DAP3: variants seen among roughly 807,000 people sequenced by gnomAD.
DAP3 encodes the protein small ribosomal subunit protein mS29.
Under a neutral mutation model 51.9 loss-of-function variants are expected in DAP3, and 28 were observed. The observed-to-expected ratio is 0.54, with a 90% CI of 0.40 to 0.74. The LOEUF is 0.74. Ranked by LOEUF, DAP3 falls within the 30% of genes least tolerant of loss-of-function variation. The probability of loss-of-function intolerance (pLI) is 0.00; values close to 1 mark genes in which losing one functional copy is unlikely to be tolerated. For missense variants in DAP3, 458 were observed against 483.5 expected, an observed-to-expected ratio of 0.95 and a Z score of 0.49; for synonymous variants, 170 against 170.3, an observed-to-expected ratio of 1.00 and a Z score of 0.01.
At chr1:155,730,526 G>A (rs1233430549) in intron 9 of DAP3, among the ~76,000 whole-genome samples, 1 of 152,098 alleles carries the variant, frequency 6.6e-6, no homozygotes, top group Non-Finnish European at 1.5e-5. Flanking sequence ...TAAGATGGGA[G>A]GATGGCTTGA....
chr1:155,725,720 C>T (rs1168820742), intron 5 of DAP3, among the ~76,000 whole-genome samples: 1 of 152,092 alleles, frequency 6.6e-6, no homozygotes, highest in Non-Finnish European at 1.5e-5. Flanking sequence ...ATATATTAGC[C>T]GGGTGTGGTA....
chr1:155,729,218 G>C lies in DAP3; in HGVS notation c.695G>C (p.Arg232Pro), dbSNP rs145328544. Residue 232 changes from arginine (R) to proline (P), a missense_variant, in exon 9 of 13, where the codon CGG (arginine) becomes CCG (proline). Transcript: ENST00000368336. ...TGTCTCTCCCAATAGGGCATAACAC[G>C]GGTGAGGAACGCCACAGATGCAGTT... ...LGEVVEQGIT[R>P]VRNATDAVGI... 4 of 1,614,206 alleles carry C rather than the reference G, an allele frequency of 2.5e-6. No individual in the cohort carries two copies. Among genetic ancestry groups the C allele is most frequent in the Non-Finnish European group, 3.4e-6 (4 of 1,180,044 alleles).
At chr1:155,712,036 G>A (rs1351025214) in intron 2 of DAP3, among the ~76,000 whole-genome samples, 1 of 151,436 alleles carries the variant, frequency 6.6e-6, no homozygotes, top group African/African-American at 2.4e-5. Flanking sequence ...ACTGAGGGTG[G>A]GTCTGCGTCT....
At chr1:155,705,663 TTCTC>T (rs1655882671) in intron 1 of DAP3, among the ~76,000 whole-genome samples, 1 of 151,302 alleles carries the variant, frequency 6.6e-6, no homozygotes, top group South Asian at 2.1e-4. Flanking sequence ...ATTTATGTTA[TTCTC>T]TCTCTCTTTT....
chr1:155,712,138 G>T (rs1243383057), intron 2 of DAP3, among the ~76,000 whole-genome samples: 2 of 152,102 alleles, frequency 1.3e-5, no homozygotes, highest in African/African-American at 2.4e-5. Flanking sequence ...ATCCAATCAA[G>T]TTGACGCTTA....
chr1:155,705,889 T>G (rs1412230099), intron 1 of DAP3, among the ~76,000 whole-genome samples: 1 of 151,910 alleles, frequency 6.6e-6, no homozygotes, highest in Non-Finnish European at 1.5e-5. Context: ...TTAGTAGAGA[T>G]AGGGTTTCAC....
intron 4 of DAP3, among the ~76,000 whole-genome samples, chr1:155,723,229 C>G (rs758541317): frequency 1.3e-5 from 2 of 152,184 alleles, no homozygotes; most frequent in African/African-American, 4.8e-5. Flanking sequence ...CCACAGCCCA[C>G]AGCACACTCT....
chr1:155,738,357 A>T lies in DAP3; in HGVS notation c.*115A>T. Reference sequence around the variant, plus strand: ...GGAGCCAGGCCCTTGTACCTATGGGATTGGACAGGACTGCAGTTGGCTCTG... The same window carrying T: ...GGAGCCAGGCCCTTGTACCTATGGGTTTGGACAGGACTGCAGTTGGCTCTG... On this transcript the variant is annotated 3_prime_UTR_variant, in exon 13 of 13. Coordinates refer to ENST00000368336, the MANE Select transcript of DAP3 (RefSeq NM_004632.4). 1 of 1,120,332 alleles carries T rather than the reference A, an allele frequency of 8.9e-7. No homozygotes were observed. The highest frequency in any genetic ancestry group is 1.6e-5 in the African/African-American group (1 of 64,344). The allele number at this position is 1,120,332 out of a possible 1,614,324, so 69.4% of individuals were successfully genotyped here. A position where few individuals can be genotyped will look rare whatever the true frequency, so the allele number is the denominator to read the frequency against.
chr1:155,736,134 C>T (rs185584466), intron 11 of DAP3, among the ~76,000 whole-genome samples: 3 of 151,906 alleles, frequency 2.0e-5, no homozygotes, highest in African/African-American at 4.8e-5. Context: ...CCACCGTGCC[C>T]GGCTAATTTT....
chr1:155,704,285 T>C (rs12076593), intron 1 of DAP3, among the ~76,000 whole-genome samples: 15 of 152,208 alleles, frequency 9.9e-5, no homozygotes, highest in African/African-American at 3.6e-4. Flanking sequence ...CGGAAGCTGA[T>C]TACACGTTCT....
chr1:155,692,286 C>T (rs1381795082), intron 1 of DAP3, among the ~76,000 whole-genome samples: 1 of 141,726 alleles, frequency 7.1e-6, no homozygotes, highest in Non-Finnish European at 1.5e-5. Context: ...CTTTCCTCCT[C>T]AGAGTCCTCT....
intron 2 of DAP3, 96 bp downstream of exon 2, chr1:155,709,920 T>C (rs1656488354): frequency 1.7e-6 from 2 of 1,184,412 alleles, no homozygotes; most frequent in Admixed American, 2.1e-5. Flanking sequence ...AGTGAAATGC[T>C]CTGGAAAACT....
At chr1:155,702,130 T>A (rs1351724247) in intron 1 of DAP3, among the ~76,000 whole-genome samples, 10 of 118,138 alleles carry the variant, frequency 8.5e-5, no homozygotes, top group Non-Finnish European at 1.5e-4. Context: ...AATTAAAAAT[T>A]AAAAAAATTG....
intron 5 of DAP3, 104 bp downstream of exon 5, chr1:155,725,594 A>C (rs144412256): frequency 0.011 from 11,814 of 1,079,292 alleles, 90 homozygotes; most frequent in Non-Finnish European, 0.014. Context: ...CGGGCATGGT[A>C]GCTCACACCT....
At chr1:155,702,610 GTC>G (rs1655451697) in intron 1 of DAP3, among the ~76,000 whole-genome samples, 3 of 152,164 alleles carry the variant, frequency 2.0e-5, no homozygotes, top group Non-Finnish European at 4.4e-5. Context: ...ATTTCAGGTT[GTC>G]CCAACAGCAT....
chr1:155,689,017 C>T (rs1350972965), upstream of DAP3: 3 of 1,587,348 alleles, frequency 1.9e-6, no homozygotes, highest in Non-Finnish European at 2.6e-6. Context: ...TAGCGCCCCT[C>T]TGCCGGCCGG....
upstream of DAP3, chr1:155,688,859 G>T: frequency 6.2e-7 from 1 of 1,601,578 alleles, no homozygotes; most frequent in Non-Finnish European, 8.5e-7. Flanking sequence ...GGAAGGGACC[G>T]GCAAAGCGAG....
chr1:155,713,778 AAC>A (rs761857766), intron 2 of DAP3, among the ~76,000 whole-genome samples: 20 of 152,198 alleles, frequency 1.3e-4, no homozygotes, highest in Non-Finnish European at 2.6e-4. Context: ...TCCCCATCAT[AAC>A]ACAGGGTTGA....
intron 4 of DAP3, among the ~76,000 whole-genome samples, chr1:155,724,815 C>T (rs1033000754): frequency 6.6e-6 from 1 of 151,666 alleles, no homozygotes; most frequent in African/African-American, 2.4e-5. Context: ...AATAGCCGGG[C>T]ATGGTGGTGG....
Sources: gnomAD v4.1 joint callset for allele counts (sites outside exome capture counted in the v4.1 genomes callset) on GRCh38, gnomAD v4.1.1 for gene constraint, MANE v1.5 for transcripts, NCBI Gene and HGNC (gene_info 2026-07-23, HGNC 2026-07-21) for gene names.